FNBP1: variants seen among roughly 807,000 people sequenced by gnomAD.
The protein encoded by FNBP1 is formin-binding protein 1.
A neutral mutation model predicts 90.6 loss-of-function variants in FNBP1; 26 were observed. The observed-to-expected ratio is 0.29, with a 90% CI of 0.21 to 0.40. The LOEUF (loss-of-function observed/expected upper bound fraction) is 0.40. FNBP1 is among the 10% of genes least tolerant of loss of function. FNBP1 has a pLI of 1.00. For missense variants in FNBP1, 635 were observed against 768.0 expected (o/e 0.83, Z 2.05); for synonymous variants, 260 against 265.2 (o/e 0.98, Z 0.19).
Position 129,957,262 on chromosome 9 carries a change from T to A in FNBP1, c.513+98A>T, listed in dbSNP as rs967669585. 3.6e-5 allele frequency: 30 copies of A among 822,870 alleles called. No homozygotes were observed. Among genetic ancestry groups the A allele is most frequent in the South Asian group, 1.3e-4 (9 of 67,176 alleles). 51.0% of individuals were successfully genotyped at this position (822,870 alleles called of 1,614,324 possible). On this transcript the variant is annotated intron_variant, in intron 6 of 16. Transcript: ENST00000446176. The surrounding 1 kb of genome is among the most constrained non-coding windows in gnomAD (Gnocchi z 4.3). ...CATCTTGGCCAGGCTGGTCTCGAAC[T>A]CCTGGCCTCAGGTGATCCGCTCACC...
At chr9:130,011,243 A>AAT (rs1589249829) in intron 1 of FNBP1, among the ~76,000 whole-genome samples, 73 of 42,224 alleles carry the variant, frequency 1.7e-3, no homozygotes, top group East Asian at 7.3e-3. Flanking sequence ...AAAAAAAAAA[A>AAT]ATATATATAT....
intron 4 of FNBP1, among the ~76,000 whole-genome samples, chr9:129,977,553 G>A (rs1378584517): frequency 1.3e-5 from 2 of 150,720 alleles, no homozygotes; most frequent in African/African-American, 2.4e-5. Flanking sequence ...GTGCAATGGC[G>A]AGATCTCGGC....
At chr9:130,046,456 G>A (rs1054054030), upstream of FNBP1, among the ~76,000 whole-genome samples, 5 of 151,842 alleles carry the variant, frequency 3.3e-5, no homozygotes, top group African/African-American at 7.3e-5. Context: ...AGAGTTGGCC[G>A]GACGTGGTGG....
chr9:129,992,039 T>C (rs1044544363), intron 2 of FNBP1, among the ~76,000 whole-genome samples: 2 of 152,158 alleles, frequency 1.3e-5, no homozygotes, highest in Non-Finnish European at 2.9e-5. Context: ...TAGAGATCCA[T>C]ATCTGTGAGT....
intron 11 of FNBP1, among the ~76,000 whole-genome samples, chr9:129,913,529 G>T (rs113232561): frequency 0.013 from 1,918 of 152,170 alleles, 18 homozygotes; most frequent in Middle Eastern, 0.024. Context: ...CCAGCACTGT[G>T]GGGGGCTGAG....
Position 130,041,973 on chromosome 9 carries a change from G to A in FNBP1, c.24+979C>T, listed in dbSNP as rs548808197. Among the ~76,000 whole-genome samples the A allele has an allele frequency of 6.6e-6, 1 of 152,082 alleles. No individual in the cohort carries two copies. The highest frequency in any genetic ancestry group is 1.5e-5 in the Non-Finnish European group (1 of 68,018). On this transcript the variant is annotated intron_variant, in intron 1 of 16. Transcript: ENST00000446176. The surrounding 1 kb of genome is among the most constrained non-coding windows in gnomAD (Gnocchi z 4.3). ...CATCCTGGGAAATGGCTCATCTTGA[G>A]GGCATTTCAGTGCAGTAACTGAGAT... is the stretch of plus-strand genomic sequence containing the variant.
At chr9:130,005,404 C>T (rs1455575703) in intron 1 of FNBP1, among the ~76,000 whole-genome samples, 12 of 144,336 alleles carry the variant, frequency 8.3e-5, no homozygotes, top group Admixed American at 5.7e-4. Flanking sequence ...TGCAGTGGTG[C>T]GATCTCAGCT....
rs548749670 is a variant in FNBP1, at chr9:129,900,695, T to C, written c.1429-148A>G. The C allele has an allele frequency of 1.2e-6, 1 of 816,442 alleles. No homozygotes were observed. The allele number at this position is 816,442 out of a possible 1,614,324, so 50.6% of individuals were successfully genotyped here. A position where few individuals can be genotyped will look rare whatever the true frequency, so the allele number is the denominator to read the frequency against. On this transcript the variant is annotated intron_variant, in intron 13 of 16. Coordinates refer to ENST00000446176, the MANE Select transcript of FNBP1 (RefSeq NM_015033.3). This position sits in a 1 kb window ranked among gnomAD's most constrained non-coding sequence, Gnocchi z 4.1. The stretch of plus-strand genomic sequence containing the variant: ...GGCTACTCTTGGCCATTTAACCCAA[T>C]GTGAGGAAGTCCACGTGGGGGCAGA...
chr9:129,987,706 G>A (rs2052508767), intron 2 of FNBP1, among the ~76,000 whole-genome samples: 1 of 151,854 alleles, frequency 6.6e-6, no homozygotes, highest in Non-Finnish European at 1.5e-5. Context: ...TCACCATGTT[G>A]GCCAGGCTGG....
intron 6 of FNBP1, among the ~76,000 whole-genome samples, chr9:129,935,045 A>G (rs774408625): frequency 6.6e-6 from 1 of 152,160 alleles, no homozygotes; most frequent in African/African-American, 2.4e-5. Context: ...AAAGACAAAA[A>G]TACCGTCATC....
Position 129,958,503 on chromosome 9 carries a change from C to T in FNBP1, c.396G>A (p.Lys132=). Residue 132 remains lysine (K), a synonymous_variant, in exon 5 of 17, where the codon AAG becomes AAA. Coordinates refer to ENST00000446176, the MANE Select transcript of FNBP1 (RefSeq NM_015033.3). ...KAQQHIETCW[K]QLESSKRRFE... is the part of the protein sequence containing the mutation. ...ATTGTTCACTTACAGATTCAAGCTG[C>T]TTCCAGCAAGTCTCGATGTGCTGCT... is the stretch of plus-strand genomic sequence containing the variant. 6.3e-7 allele frequency: 1 copy of T among 1,596,826 alleles called. No homozygotes were observed. The highest frequency in any genetic ancestry group is 8.5e-7 in the Non-Finnish European group (1 of 1,170,762).
intron 1 of FNBP1, among the ~76,000 whole-genome samples, chr9:130,019,005 G>T (rs572991923): frequency 6.6e-6 from 1 of 152,056 alleles, no homozygotes; most frequent in Non-Finnish European, 1.5e-5. Flanking sequence ...CAAGTGGATC[G>T]CCTGAGCTCA....
Position 129,923,844 on chromosome 9 carries a change from C to A in FNBP1, c.1170G>T (p.Gly390=). Residue 390 remains glycine, a splice_region_variant and synonymous_variant, in exon 10 of 17, where the codon GGG becomes GGT. Coordinates refer to ENST00000446176, the MANE Select transcript of FNBP1 (RefSeq NM_015033.3). ...GACAGGATTCCGGAGCAGAACTTAC[C>A]CCACGCTTTAGGCTCCTGAAGCAGT... The part of the protein sequence containing the change: ...KIHCFRSLKR[G]LSLKLGATPE... The A allele has an allele frequency of 6.3e-7, 1 of 1,586,284 alleles. No homozygotes were observed.
chr9:130,032,709 T>C (rs1197642382), intron 1 of FNBP1, among the ~76,000 whole-genome samples: 1 of 152,034 alleles, frequency 6.6e-6, no homozygotes, highest in African/African-American at 2.4e-5. Context: ...TCCAGCTTTT[T>C]AGGTGAGGAA....
intron 1 of FNBP1, among the ~76,000 whole-genome samples, chr9:130,019,150 C>G (rs1459031260): frequency 1.3e-5 from 2 of 152,004 alleles, no homozygotes; most frequent in African/African-American, 4.8e-5. Context: ...TCGCTTGAGT[C>G]TGGGAGGCAG....
chr9:129,930,582 T>C (rs2042587685), intron 6 of FNBP1, among the ~76,000 whole-genome samples: 1 of 152,226 alleles, frequency 6.6e-6, no homozygotes, highest in Admixed American at 6.6e-5. Context: ...TCCTAAAAAA[T>C]CAATAATTTA....
chr9:129,928,392 C>T (rs374762752), intron 7 of FNBP1, among the ~76,000 whole-genome samples: 77 of 152,356 alleles, frequency 5.1e-4, no homozygotes, highest in African/African-American at 1.8e-3. Flanking sequence ...GGCGCTGTGG[C>T]TCACGCCTGT....
chr9:129,933,729 T>C (rs2043070600), intron 6 of FNBP1: 1 of 152,192 alleles, frequency 6.6e-6, no homozygotes, highest in African/African-American at 2.4e-5. Flanking sequence ...GGACGATCTA[T>C]TTCTACAGTC....
chr9:129,905,421 C>T (rs1313847398), intron 12 of FNBP1, among the ~76,000 whole-genome samples: 7 of 151,858 alleles, frequency 4.6e-5, no homozygotes, highest in Non-Finnish European at 1.0e-4. Context: ...AAGCGACTCT[C>T]CTGCCTCAGC....
Sources: allele counts gnomAD v4.1 joint callset (sites outside exome capture counted in the v4.1 genomes callset), GRCh38; gene constraint gnomAD v4.1.1; non-coding constraint Gnocchi (gnomAD v3.1); transcripts MANE v1.5; gene names NCBI Gene and HGNC (gene_info 2026-07-23, HGNC 2026-07-21).